RSU1: variants seen among roughly 807,000 people sequenced by gnomAD.
RSU1 encodes Ras suppressor protein 1, also known as rsu-1.
A neutral mutation model predicts 31.1 loss-of-function variants in RSU1; 26 were observed. The ratio of observed to expected loss-of-function variants is 0.84; its 90% CI spans 0.61 to 1.16. The LOEUF (loss-of-function observed/expected upper bound fraction) is 1.16. RSU1 is among the 50% of genes most tolerant of loss of function. The pLI is 0.00. For synonymous variants in RSU1, 164 were observed against 136.3 expected (o/e 1.20, Z -1.41); for missense variants, 320 against 339.1 (o/e 0.94, Z 0.44).
intron 7 of RSU1, among the ~76,000 whole-genome samples, chr10:16,738,460 GAAGA>G (rs886481581): frequency 3.3e-5 from 5 of 151,968 alleles, no homozygotes; most frequent in African/African-American, 1.2e-4. Context: ...CAAAAAAAAA[GAAGA>G]AAAACTGAAA....
chr10:16,741,164 G>T (rs1056384350), intron 7 of RSU1, among the ~76,000 whole-genome samples: 3 of 152,184 alleles, frequency 2.0e-5, no homozygotes, highest in African/African-American at 4.8e-5. Flanking sequence ...CTATATATCT[G>T]CTGTCAATTG....
intron 8 of RSU1, among the ~76,000 whole-genome samples, chr10:16,628,585 G>A (rs1834196539): frequency 6.6e-6 from 1 of 152,182 alleles, no homozygotes; most frequent in African/African-American, 2.4e-5. Context: ...CATGAGAAAG[G>A]AAAGGCATTT....
At chr10:16,648,974 C>T in intron 8 of RSU1, among the ~76,000 whole-genome samples, 1 of 152,068 alleles carries the variant, frequency 6.6e-6, no homozygotes, top group Non-Finnish European at 1.5e-5. Context: ...ATTCACTTTC[C>T]TCTTTCCAGT....
chr10:16,659,066 T>C (rs1213090602), intron 8 of RSU1, among the ~76,000 whole-genome samples: 7 of 152,256 alleles, frequency 4.6e-5, no homozygotes, highest in Non-Finnish European at 8.8e-5. Context: ...TGCTTGTTCA[T>C]ACCTTTTATC....
Position 16,761,067 on chromosome 10 carries a change from A to G in RSU1, c.281+3323T>C, listed in dbSNP as rs1837203219. On this transcript the variant is annotated intron_variant, in intron 4 of 8. Transcript: ENST00000345264. ...AACGATTCTCCTGCCTCAGCCTCCCAGGTAGAGTAGCTGCGATCACAGGCA... is the reference window on the plus strand; with the variant it reads ...AACGATTCTCCTGCCTCAGCCTCCCGGGTAGAGTAGCTGCGATCACAGGCA... Among the ~76,000 whole-genome samples, 5 of 152,062 alleles carry G rather than the reference A, an allele frequency of 3.3e-5. 1 individual carries two copies. The highest frequency in any genetic ancestry group is 3.3e-4 in the Admixed American group (5 of 15,268).
intron 4 of RSU1, among the ~76,000 whole-genome samples, chr10:16,757,133 G>C (rs924011970): frequency 2.0e-5 from 3 of 151,590 alleles, no homozygotes; most frequent in Non-Finnish European, 4.4e-5. Flanking sequence ...GTGTGTGGGC[G>C]TGTCTCCAGT....
At chr10:16,736,961 A>T (rs1836640180) in intron 7 of RSU1, among the ~76,000 whole-genome samples, 1 of 150,692 alleles carries the variant, frequency 6.6e-6, no homozygotes, top group Admixed American at 6.6e-5. Context: ...AACAAAAAAA[A>T]TCACTGAACT....
intron 8 of RSU1, among the ~76,000 whole-genome samples, chr10:16,645,880 G>GA (rs1834532979): frequency 1.6e-5 from 1 of 62,112 alleles, no homozygotes; most frequent in African/African-American, 9.1e-5. Flanking sequence ...ACATATATGT[G>GA]TATATACATA....
chr10:16,707,886 CTT>C (rs200326390), intron 7 of RSU1, among the ~76,000 whole-genome samples: 1 of 151,676 alleles, frequency 6.6e-6, no homozygotes, highest in African/African-American at 2.4e-5. Flanking sequence ...TTTGATTTTT[CTT>C]TTTTTTGGTA....
At chr10:16,657,907 T>G (rs546147220) in intron 8 of RSU1, among the ~76,000 whole-genome samples, 1 of 152,236 alleles carries the variant, frequency 6.6e-6, no homozygotes, top group Non-Finnish European at 1.5e-5. Context: ...CAAGAATTGC[T>G]TGAAACTGGG....
intron 8 of RSU1, among the ~76,000 whole-genome samples, chr10:16,688,606 C>G (rs1835483250): frequency 6.6e-6 from 1 of 151,844 alleles, no homozygotes. Flanking sequence ...GAGACTCCGT[C>G]TCAAAAAAAG....
At chr10:16,639,529 A>G (rs1485023229) in intron 8 of RSU1, among the ~76,000 whole-genome samples, 3 of 152,216 alleles carry the variant, frequency 2.0e-5, no homozygotes, top group Admixed American at 1.3e-4. Context: ...AAACAAATCT[A>G]TGCACAGAAC....
chr10:16,764,446 G>A lies in RSU1; in HGVS notation c.225C>T (p.Ile75=), dbSNP rs1327662275. 5.0e-6 allele frequency: 8 copies of A among 1,613,794 alleles called. No individual in the cohort carries two copies. Among genetic ancestry groups the A allele is most frequent in the East Asian group, 2.2e-5 (1 of 44,880 alleles). The stretch of plus-strand genomic sequence containing the variant: ...TACTGATCTGTGTGGGCAGCTCCTC[G>A]ATTTGGTTATTAAAAAAGTTGAGCA... ...LEVLNFFNNQ[I]EELPTQISSL... The change falls in exon 4 of 9, where the codon ATC becomes ATT. Residue 75 remains isoleucine, a synonymous_variant. Transcript: ENST00000345264.
chr10:16,675,286 T>C (rs536969333), intron 8 of RSU1, among the ~76,000 whole-genome samples: 2 of 151,306 alleles, frequency 1.3e-5, no homozygotes, highest in South Asian at 4.2e-4. Context: ...AATCAGGAGG[T>C]AACAGACTTC....
chr10:16,707,900 G>A (rs1248730721), intron 7 of RSU1, among the ~76,000 whole-genome samples: 3 of 151,984 alleles, frequency 2.0e-5, no homozygotes, highest in Non-Finnish European at 4.4e-5. Flanking sequence ...TTTTTGGTAA[G>A]AGGTAGAGGT....
chr10:16,783,552 C>T (rs902946234), intron 2 of RSU1, among the ~76,000 whole-genome samples: 1 of 151,854 alleles, frequency 6.6e-6, no homozygotes, highest in Non-Finnish European at 1.5e-5. Context: ...GATGGGGTTT[C>T]ACCATGTTAG....
intron 7 of RSU1, among the ~76,000 whole-genome samples, chr10:16,712,201 CTTTCAG>C (rs1836035197): frequency 6.6e-6 from 1 of 152,054 alleles, no homozygotes; most frequent in African/African-American, 2.4e-5. Flanking sequence ...CATTCCTTCA[CTTTCAG>C]TTTATGTTTG....
chr10:16,702,695 T>G (rs988261055), intron 7 of RSU1, among the ~76,000 whole-genome samples: 1 of 152,210 alleles, frequency 6.6e-6, no homozygotes. Context: ...CAAACTTATT[T>G]TTTATTTTAT....
At position 16,628,054 on chromosome 10, in the gene RSU1, G is replaced by A. The variant is rs150859894; in HGVS notation, c.732-34558C>T. On this transcript the variant is annotated intron_variant, in intron 8 of 8. Transcript: ENST00000345264. Reference sequence around the variant, plus strand: ...TATGGCAAACCGCCCAGAAGGGAGAGAGATTTTTCCAAATAGCTCTGACAC... The same window carrying A: ...TATGGCAAACCGCCCAGAAGGGAGAAAGATTTTTCCAAATAGCTCTGACAC... 2.6e-5 allele frequency among the ~76,000 whole-genome samples: 4 copies of A among 152,320 alleles called. No homozygotes were observed. The East Asian group carries it at 5.8e-4, about 22-fold the overall frequency.
Sources: allele counts gnomAD v4.1 joint callset (sites outside exome capture counted in the v4.1 genomes callset), GRCh38; gene constraint gnomAD v4.1.1; transcripts MANE v1.5; gene names NCBI Gene and HGNC (gene_info 2026-07-23, HGNC 2026-07-21).